The following SLC22A3 variants were observed in gnomAD, a reference collection of about 807,000 sequenced individuals.
The protein encoded by SLC22A3 is EMT organic cation transporter 3.
Under a neutral mutation model 59.1 loss-of-function variants are expected in SLC22A3, and 51 were observed. That is an observed-to-expected ratio of 0.86 (90% CI 0.69 to 1.09). The LOEUF is 1.09. SLC22A3 is among the 50% of genes least tolerant of loss of function. The pLI, the probability that SLC22A3 is intolerant of heterozygous loss-of-function variation, is 0.00. For missense variants in SLC22A3, 711 were observed against 726.3 expected (o/e 0.98, Z 0.24); for synonymous variants, 325 against 292.0 (o/e 1.11, Z -1.15).
intron 5 of SLC22A3, among the ~76,000 whole-genome samples, chr6:160,433,179 G>A (rs925562065): frequency 1.3e-5 from 2 of 152,108 alleles, no homozygotes; most frequent in East Asian, 1.9e-4. Flanking sequence ...TGCAGAAAAC[G>A]TTCGCCAACC....
intron 7 of SLC22A3, 62 bp from the exon 8 acceptor site, chr6:160,442,699 C>A: frequency 2.4e-6 from 3 of 1,245,840 alleles, no homozygotes; most frequent in South Asian, 1.2e-5. Flanking sequence ...TTTTGTTGTT[C>A]TGTAAAATGT....
intron 10 of SLC22A3, among the ~76,000 whole-genome samples, chr6:160,450,556 C>G (rs1457872122): frequency 6.6e-6 from 1 of 152,064 alleles, no homozygotes; most frequent in Non-Finnish European, 1.5e-5. Context: ...ACAAAGATAA[C>G]AGGATTAAGA....
chr6:160,395,391 G>A (rs1786431435), intron 1 of SLC22A3, among the ~76,000 whole-genome samples: 1 of 152,196 alleles, frequency 6.6e-6, no homozygotes, highest in African/African-American at 2.4e-5. Context: ...AGCTAACTCA[G>A]CTATTTGAAG....
At chr6:160,442,388 C>T (rs181666054) in intron 7 of SLC22A3, among the ~76,000 whole-genome samples, 3 of 152,272 alleles carry the variant, frequency 2.0e-5, no homozygotes, top group East Asian at 1.9e-4. Context: ...GCTGTGGGAA[C>T]GTGGTGGCTC....
At chr6:160,371,463 G>A (rs1277052576) in intron 1 of SLC22A3, among the ~76,000 whole-genome samples, 4 of 152,130 alleles carry the variant, frequency 2.6e-5, no homozygotes, top group African/African-American at 7.2e-5. Flanking sequence ...TTAGTTTGCT[G>A]AGAATGATGG....
At chr6:160,436,747 C>A in intron 5 of SLC22A3, 33 bp from the exon 6 acceptor site, 3 of 1,367,550 alleles carry the variant, frequency 2.2e-6, no homozygotes, top group South Asian at 1.2e-5. Context: ...TTTTTTCTGT[C>A]TATTGCTACT....
At chr6:160,405,601 A>C (rs1256894296) in intron 2 of SLC22A3, among the ~76,000 whole-genome samples, 1 of 152,158 alleles carries the variant, frequency 6.6e-6, no homozygotes, top group Non-Finnish European at 1.5e-5. Context: ...TTGAAAACTC[A>C]TGTTCACCCA....
intron 10 of SLC22A3, among the ~76,000 whole-genome samples, chr6:160,450,195 G>A (rs531601367): frequency 2.0e-5 from 3 of 152,224 alleles, no homozygotes; most frequent in African/African-American, 7.2e-5. Flanking sequence ...TATCTCAACC[G>A]CATAAGGCAG....
intron 4 of SLC22A3, among the ~76,000 whole-genome samples, chr6:160,409,711 GTATT>G (rs1787169809): frequency 6.6e-6 from 1 of 152,146 alleles, no homozygotes; most frequent in African/African-American, 2.4e-5. Flanking sequence ...TTTAAAGAGA[GTATT>G]TGTTGATGAT....
chr6:160,384,444 A>T (rs989352768), intron 1 of SLC22A3, among the ~76,000 whole-genome samples: 10 of 152,286 alleles, frequency 6.6e-5, no homozygotes, highest in African/African-American at 2.4e-4. Context: ...ACAATAATTG[A>T]CTTAGTTCAG....
chr6:160,409,992 A>G (rs1414698499), intron 4 of SLC22A3, among the ~76,000 whole-genome samples: 1 of 152,232 alleles, frequency 6.6e-6, no homozygotes, highest in Non-Finnish European at 1.5e-5. Flanking sequence ...TTACATTATC[A>G]AAAAGCAACA....
chr6:160,436,974 G>C (rs1248393029), intron 6 of SLC22A3, 23 bp from the exon 7 acceptor site: 1 of 1,613,492 alleles, frequency 6.2e-7, no homozygotes, highest in Non-Finnish European at 8.5e-7. Flanking sequence ...CTTGTTCTCT[G>C]GTGTCTTTCA....
At chr6:160,400,871 A>C (rs1303756366) in intron 2 of SLC22A3, among the ~76,000 whole-genome samples, 1 of 151,994 alleles carries the variant, frequency 6.6e-6, no homozygotes, top group Non-Finnish European at 1.5e-5. Context: ...CTAGAGATCA[A>C]AAACACTGTA....
chr6:160,367,609 C>T (rs967737975), intron 1 of SLC22A3, among the ~76,000 whole-genome samples: 9 of 152,218 alleles, frequency 5.9e-5, no homozygotes, highest in African/African-American at 2.2e-4. Flanking sequence ...CATGCTGCTG[C>T]TCAGTGTCTT....
chr6:160,409,290 C>T (rs1228172305), intron 4 of SLC22A3, among the ~76,000 whole-genome samples: 10 of 95,288 alleles, frequency 1.0e-4, no homozygotes, highest in Admixed American at 1.0e-3. Flanking sequence ...TTTGTTCTTG[C>T]GATAGTTTAC....
rs1415575054 is a variant in SLC22A3, at chr6:160,385,598, G to A, written c.430-12381G>A. 3.9e-5 allele frequency among the ~76,000 whole-genome samples: 6 copies of A among 152,138 alleles called. No individual in the cohort carries two copies. In the East Asian group the frequency reaches 5.8e-4, roughly 15 times the overall value. On this transcript the variant is annotated intron_variant, in intron 1 of 10. Coordinates refer to ENST00000275300, the MANE Select transcript of SLC22A3 (RefSeq NM_021977.4). ...CCTGCACCCAGGACCAAGCTTCCTC[G>A]GCCCTACTGTGCGCAGCTGGACCCA...
intron 2 of SLC22A3, among the ~76,000 whole-genome samples, chr6:160,400,320 C>G (rs1189034927): frequency 6.6e-6 from 1 of 151,922 alleles, no homozygotes; most frequent in African/African-American, 2.4e-5. Flanking sequence ...AATACCAACT[C>G]CAGCCCCTTC....
intron 5 of SLC22A3, among the ~76,000 whole-genome samples, chr6:160,428,300 G>A (rs1348582168): frequency 2.0e-5 from 3 of 152,096 alleles, no homozygotes; most frequent in South Asian, 2.1e-4. Context: ...GGGGACTGGG[G>A]CACTCTTTCA....
chr6:160,439,206 A>G (rs1788456763), intron 7 of SLC22A3, among the ~76,000 whole-genome samples: 1 of 152,186 alleles, frequency 6.6e-6, no homozygotes, highest in Admixed American at 6.5e-5. Context: ...TCAAAATTGT[A>G]TAATTTAAGA....
Sources: gnomAD v4.1 joint callset for allele counts (sites outside exome capture counted in the v4.1 genomes callset) on GRCh38, gnomAD v4.1.1 for gene constraint, MANE v1.5 for transcripts, NCBI Gene and HGNC (gene_info 2026-07-23, HGNC 2026-07-21) for gene names.